The following CCDC171 variants were observed in gnomAD, a reference collection of about 807,000 sequenced individuals.
The protein encoded by CCDC171 is coiled-coil domain containing 171.
A neutral mutation model predicts 168.2 loss-of-function variants in CCDC171; 177 were observed. That is an observed-to-expected ratio of 1.05 (90% CI 0.93 to 1.19). The LOEUF (loss-of-function observed/expected upper bound fraction) is 1.19. Among genes scored for constraint, CCDC171 ranks in the 50% most tolerant of loss-of-function variants. The pLI is 0.00. For synonymous variants in CCDC171, 687 were observed against 540.8 expected (o/e 1.27, Z -3.75); for missense variants, 1,991 against 1,539.0 (o/e 1.29, Z -4.91).
chr9:15,700,110 G>C (rs1390581872), intron 11 of CCDC171, among the ~76,000 whole-genome samples: 1 of 152,192 alleles, frequency 6.6e-6, no homozygotes, highest in Non-Finnish European at 1.5e-5. Context: ...GCTCATCAGG[G>C]AGGCTCCGGT....
chr9:15,740,941 T>C (rs941204998), intron 16 of CCDC171, among the ~76,000 whole-genome samples: 9 of 152,222 alleles, frequency 5.9e-5, no homozygotes, highest in Admixed American at 5.9e-4. Flanking sequence ...GTTTGAAGTA[T>C]TATTTTGTGT....
intron 11 of CCDC171, among the ~76,000 whole-genome samples, chr9:15,706,346 G>C (rs2052234702): frequency 6.6e-6 from 1 of 151,696 alleles, no homozygotes; most frequent in Non-Finnish European, 1.5e-5. Context: ...CTGGAGTGCA[G>C]TGGTGCAGTC....
intron 18 of CCDC171, among the ~76,000 whole-genome samples, chr9:15,753,479 C>T (rs1243158667): frequency 6.6e-6 from 1 of 152,156 alleles, no homozygotes; most frequent in East Asian, 1.9e-4. Context: ...GGCATGGGGT[C>T]AAATTACAGA....
chr9:16,016,582 T>C (rs971803326), intron 3 of CCDC171, among the ~76,000 whole-genome samples: 7 of 152,168 alleles, frequency 4.6e-5, no homozygotes, highest in African/African-American at 1.2e-4. Flanking sequence ...GAGCCACTTC[T>C]GCATTCTCTT....
intron 7 of CCDC171, among the ~76,000 whole-genome samples, chr9:15,625,255 A>G (rs1340262384): frequency 2.0e-5 from 3 of 152,170 alleles, no homozygotes; most frequent in Non-Finnish European, 4.4e-5. Context: ...ATTTTCTCCC[A>G]TTCTATAGAT....
At chr9:15,717,038 G>A (rs1358987404) in intron 11 of CCDC171, among the ~76,000 whole-genome samples, 1 of 152,134 alleles carries the variant, frequency 6.6e-6, no homozygotes, top group Non-Finnish European at 1.5e-5. Context: ...AATCAGATGA[G>A]CAGTCACAGT....
At chr9:15,674,256 G>A (rs201492619) in intron 9 of CCDC171, among the ~76,000 whole-genome samples, 2 of 151,708 alleles carry the variant, frequency 1.3e-5, no homozygotes, top group South Asian at 4.2e-4. Flanking sequence ...CTCTTTTCTT[G>A]TTTATTAATA....
At chr9:15,830,572 A>T (rs1319347348) in intron 21 of CCDC171, among the ~76,000 whole-genome samples, 1 of 152,214 alleles carries the variant, frequency 6.6e-6, no homozygotes, top group Non-Finnish European at 1.5e-5. Context: ...AGATATTCTC[A>T]TTTAATGCAA....
Position 15,587,528 on chromosome 9 carries a change from C to G in CCDC171, c.353-3838C>G, listed in dbSNP as rs1240983951. The stretch of plus-strand genomic sequence containing the variant: ...TAAACCTCTTTCTTTTGTAAATTGC[C>G]CAGTCTCAGGTATGTCTTTATCCAA... On this transcript the variant is annotated intron_variant, in intron 4 of 25. Coordinates refer to ENST00000380701, the MANE Select transcript of CCDC171 (RefSeq NM_173550.4). 3 of 394,218 alleles carry G rather than the reference C, an allele frequency of 7.6e-6. No homozygotes were observed. In the East Asian group the frequency reaches 2.2e-4, roughly 30 times the overall value. 24.4% of individuals were successfully genotyped at this position (394,218 alleles called of 1,614,324 possible).
chr9:15,863,500 A>T (rs1234369990), intron 23 of CCDC171, among the ~76,000 whole-genome samples: 4 of 148,460 alleles, frequency 2.7e-5, no homozygotes, highest in Admixed American at 6.7e-5. Flanking sequence ...TGGTTGACAC[A>T]TTTTTTTTTT....
rs1189476947 is a variant in CCDC171 at position 15,991,013 on chromosome 9, TCAA to T, written n.369-29574_369-29572del. ...CACCCCGCTGTCAACATTAGACAGA[TCAA>T]CGAGACAGAAAGTTAACAAGGATAT... On this transcript the variant is annotated intron_variant and non_coding_transcript_variant, in intron 3 of 9. Coordinates refer to the CCDC171 transcript ENST00000486641. Among the ~76,000 whole-genome samples, 3 of 152,068 alleles carry T rather than the reference TCAA, an allele frequency of 2.0e-5. No individual in the cohort carries two copies. The East Asian group carries it at 5.8e-4, about 29-fold the overall frequency.
At chr9:16,040,002 G>C (rs373149285), upstream of CCDC171, among the ~76,000 whole-genome samples, 54 of 152,262 alleles carry the variant, frequency 3.5e-4, no homozygotes, top group African/African-American at 1.3e-3. Context: ...TTACATGTGA[G>C]GGACACTGGA....
At chr9:15,738,679 C>T (rs993521256) in intron 16 of CCDC171, among the ~76,000 whole-genome samples, 1 of 151,916 alleles carries the variant, frequency 6.6e-6, no homozygotes, top group Admixed American at 6.6e-5. Context: ...ATCAAACAGG[C>T]TTTGTTCTTC....
intron 7 of CCDC171, among the ~76,000 whole-genome samples, chr9:15,653,186 T>C (rs1349251854): frequency 1.3e-5 from 2 of 152,150 alleles, no homozygotes; most frequent in African/African-American, 4.8e-5. Context: ...CTTGCCTAGG[T>C]TGGAGTGCAG....
chr9:15,701,494 C>T (rs989717748), intron 11 of CCDC171, among the ~76,000 whole-genome samples: 9 of 151,766 alleles, frequency 5.9e-5, no homozygotes, highest in African/African-American at 1.7e-4. Flanking sequence ...AAGTTTGCTC[C>T]GTCAGTTGAC....
At chr9:15,791,600 C>G (rs2135596521) in intron 21 of CCDC171, among the ~76,000 whole-genome samples, 1 of 152,252 alleles carries the variant, frequency 6.6e-6, no homozygotes, top group South Asian at 2.1e-4. Flanking sequence ...TTTCTCTTGC[C>G]TGATTGCCCT....
At chr9:15,911,873 T>C (rs11515221) in intron 24 of CCDC171, among the ~76,000 whole-genome samples, 22,012 of 152,228 alleles carry the variant, frequency 0.14, 2,066 homozygotes, top group Non-Finnish European at 0.21. Context: ...TGTGGTGTTA[T>C]TTCTGAGGCC....
At chr9:15,950,763 A>C (rs1163888564) in intron 25 of CCDC171, among the ~76,000 whole-genome samples, 1 of 152,066 alleles carries the variant, frequency 6.6e-6, no homozygotes, top group Admixed American at 6.6e-5. Context: ...GATCAAATTC[A>C]CACATAACAA....
rs537052778 is a variant in CCDC171, at chr9:15,650,938, T to A, written c.823-6189T>A. ...TAACTGTAGTCACCCTACTCTGCTATCTAACTTTAGGACTTATTCCTTCTA... is the reference window on the plus strand; with the variant it reads ...TAACTGTAGTCACCCTACTCTGCTAACTAACTTTAGGACTTATTCCTTCTA... On this transcript the variant is annotated intron_variant, in intron 7 of 25. Transcript: ENST00000380701. Among the ~76,000 whole-genome samples, 35 of 152,176 alleles carry A rather than the reference T, an allele frequency of 2.3e-4. No individual in the cohort carries two copies. In the South Asian group the frequency reaches 7.3e-3, roughly 32 times the overall value.
Sources: gnomAD v4.1 joint callset for allele counts (sites outside exome capture counted in the v4.1 genomes callset) on GRCh38, gnomAD v4.1.1 for gene constraint, MANE v1.5 for transcripts, NCBI Gene and HGNC (gene_info 2026-07-23, HGNC 2026-07-21) for gene names.